Variants in FANCL observed in about 807,000 individuals in gnomAD.
FANCL encodes E3 ubiquitin-protein ligase FANCL.
FANCL carries 69 observed loss-of-function variants against 59.4 expected under a neutral mutation model. The observed-to-expected ratio is 1.16, with a 90% confidence interval of 0.96 to 1.42. The LOEUF (loss-of-function observed/expected upper bound fraction) is 1.42, where lower values mean the gene tolerates loss of function less well. Among genes scored for constraint, FANCL ranks in the 40% most tolerant of loss-of-function variants. FANCL has a pLI of 0.00. For synonymous variants in FANCL, 180 were observed against 147.1 expected (o/e 1.22, Z -1.62); for missense variants, 519 against 447.2 (o/e 1.16, Z -1.45).
At chr2:58,235,423 A>G (rs1693923182) in intron 1 of FANCL, among the ~76,000 whole-genome samples, 1 of 152,164 alleles carries the variant, frequency 6.6e-6, no homozygotes, top group South Asian at 2.1e-4. Context: ...CTTCACTTGT[A>G]GAGACTAACT....
chr2:58,207,522 G>T (rs983645303), intron 5 of FANCL, among the ~76,000 whole-genome samples: 10 of 152,156 alleles, frequency 6.6e-5, no homozygotes, highest in African/African-American at 2.4e-4. Context: ...ACCCACTCTT[G>T]ACCATCTGCC....
chr2:58,181,674 T>C (rs1217844745), intron 7 of FANCL, among the ~76,000 whole-genome samples: 7 of 151,952 alleles, frequency 4.6e-5, no homozygotes, highest in South Asian at 2.1e-4. Context: ...AAAGCAAATA[T>C]AGGAAAGATT....
chr2:58,237,078 G>C (rs1018015808), intron 1 of FANCL, among the ~76,000 whole-genome samples: 1 of 152,066 alleles, frequency 6.6e-6, no homozygotes, highest in African/African-American at 2.4e-5. Flanking sequence ...AGTGAGCACA[G>C]TGCTACCCAA....
intron 6 of FANCL, among the ~76,000 whole-genome samples, chr2:58,200,319 T>C (rs1689870005): frequency 6.6e-6 from 1 of 152,084 alleles, no homozygotes; most frequent in Non-Finnish European, 1.5e-5. Context: ...CTAAGTTGTA[T>C]GATCCTGAAC....
chr2:58,187,636 A>G (rs1371887736), intron 7 of FANCL, among the ~76,000 whole-genome samples: 1 of 152,184 alleles, frequency 6.6e-6, no homozygotes, highest in African/African-American at 2.4e-5. Flanking sequence ...TAGGCAGAAA[A>G]AGACAAGCAA....
intron 6 of FANCL, among the ~76,000 whole-genome samples, chr2:58,200,247 G>A (rs13424848): frequency 0.015 from 2,279 of 152,104 alleles, 55 homozygotes; most frequent in African/African-American, 0.051. Context: ...TTTAAAAATC[G>A]TGATTATCTC....
intron 7 of FANCL, among the ~76,000 whole-genome samples, chr2:58,180,955 T>G (rs887272915): frequency 6.6e-6 from 1 of 152,106 alleles, no homozygotes; most frequent in African/African-American, 2.4e-5. Flanking sequence ...TGAACTCTCA[T>G]ATACTGTCAG....
In FANCL at chr2:58,204,243, A is replaced by C. The variant is rs1181971107; in HGVS notation, c.375-17T>G. On this transcript the variant is annotated splice_polypyrimidine_tract_variant and intron_variant, in intron 5 of 13. Coordinates refer to ENST00000233741, the MANE Select transcript of FANCL (RefSeq NM_018062.4). Reference sequence around the variant, plus strand: ...TACACAAGTCTGGTGAGCAGAGGAGAATAAAAAATGATCACACCGGGGAGA... The same window carrying C: ...TACACAAGTCTGGTGAGCAGAGGAGCATAAAAAATGATCACACCGGGGAGA... The C allele has an allele frequency of 1.3e-6, 2 of 1,596,390 alleles. No individual in the cohort carries two copies. Among genetic ancestry groups the C allele is most frequent in the Non-Finnish European group, 8.6e-7 (1 of 1,164,182 alleles).
chr2:58,212,024 T>C (rs1005832507), intron 5 of FANCL, among the ~76,000 whole-genome samples: 1 of 152,192 alleles, frequency 6.6e-6, no homozygotes, highest in Non-Finnish European at 1.5e-5. Flanking sequence ...TTTTCAGGTA[T>C]CTTCTCAGCA....
intron 1 of FANCL, among the ~76,000 whole-genome samples, chr2:58,234,981 A>T (rs181852038): frequency 2.0e-5 from 3 of 152,050 alleles, no homozygotes; most frequent in Non-Finnish European, 2.9e-5. Flanking sequence ...GAAATAAGGG[A>T]AACAAATGTG....
Position 58,165,803 on chromosome 2 carries a change from C to G in FANCL, c.612G>C (p.Met204Ile). Residue 204 changes from methionine (M) to isoleucine (I), a missense_variant, in exon 8 of 14, where the codon ATG (methionine) becomes ATC (isoleucine). Met to Ile is a conservative substitution (Grantham distance 10, BLOSUM62 1). Coordinates refer to ENST00000233741, the MANE Select transcript of FANCL (RefSeq NM_018062.4). ...IESLKAFWDVMDEIDEKTWVL... is the reference protein window; with the variant it reads ...IESLKAFWDVIDEIDEKTWVL... ...CCCAGGTCTTCTCATCGATTTCATCCATAACATCCCAGAATGCCTTTAGTG... is the reference window on the plus strand; with the variant it reads ...CCCAGGTCTTCTCATCGATTTCATCGATAACATCCCAGAATGCCTTTAGTG... 6.2e-7 allele frequency: 1 copy of G among 1,614,070 alleles called. No homozygotes were observed. Among genetic ancestry groups the G allele is most frequent in the Non-Finnish European group, 8.5e-7 (1 of 1,179,972 alleles).
chr2:58,200,897 G>A (rs1689944941), intron 6 of FANCL, among the ~76,000 whole-genome samples: 1 of 151,212 alleles, frequency 6.6e-6, no homozygotes. Context: ...TTATGCAAGT[G>A]GCTTTACTTC....
chr2:58,161,760 A>C (rs1685211206), intron 11 of FANCL, 122 bp from the exon 12 acceptor site: 1 of 680,352 alleles, frequency 1.5e-6, no homozygotes, highest in East Asian at 2.8e-5. Context: ...TGACATCAGG[A>C]TAATTAAGAT....
chr2:58,172,340 G>T (rs1686733729), intron 7 of FANCL, among the ~76,000 whole-genome samples: 1 of 152,184 alleles, frequency 6.6e-6, no homozygotes, highest in Non-Finnish European at 1.5e-5. Flanking sequence ...AGCCTAACTG[G>T]GAGGCACCGC....
At chr2:58,177,873 T>A (rs1687514623) in intron 7 of FANCL, among the ~76,000 whole-genome samples, 1 of 142,718 alleles carries the variant, frequency 7.0e-6, no homozygotes, top group African/African-American at 2.6e-5. Flanking sequence ...GAGAGAAGAA[T>A]CAAATAGACA....
rs1226772274 is a variant in FANCL at position 58,161,513 on chromosome 2, A to AT, written c.1020+8dup. 2 of 1,534,740 alleles carry AT rather than the reference A, an allele frequency of 1.3e-6. No homozygotes were observed. Among genetic ancestry groups the AT allele is most frequent in the Non-Finnish European group, 9.0e-7 (1 of 1,108,270 alleles). On this transcript the variant is annotated intron_variant, in intron 12 of 13. Transcript: ENST00000233741. ...GGAAAAAAGTCTTGACAATATTTTT[A>AT]TTTTTTACCTCATATAAGCATATTT...
intron 7 of FANCL, among the ~76,000 whole-genome samples, chr2:58,167,207 T>C (rs1253333013): frequency 6.6e-6 from 1 of 151,938 alleles, no homozygotes; most frequent in Non-Finnish European, 1.5e-5. Flanking sequence ...CTAGACTCCG[T>C]CTCAAAAAGA....
chr2:58,218,281 A>G (rs1402934069), intron 5 of FANCL, among the ~76,000 whole-genome samples: 1 of 152,024 alleles, frequency 6.6e-6, no homozygotes, highest in Non-Finnish European at 1.5e-5. Context: ...GCAAATCTAA[A>G]AAAATTAAAT....
chr2:58,176,275 T>A (rs1255127661), intron 7 of FANCL, among the ~76,000 whole-genome samples: 1 of 151,806 alleles, frequency 6.6e-6, no homozygotes, highest in African/African-American at 2.4e-5. Context: ...ATTGGAAAAA[T>A]CTACTTTAAA....
Sources: gnomAD v4.1 joint callset for allele counts (sites outside exome capture counted in the v4.1 genomes callset) on GRCh38, gnomAD v4.1.1 for gene constraint, MANE v1.5 for transcripts, NCBI Gene and HGNC (gene_info 2026-07-23, HGNC 2026-07-21) for gene names.